The following LZTFL1 variants were observed in gnomAD, a reference collection of about 807,000 sequenced individuals.
LZTFL1 encodes the protein leucine zipper transcription factor like 1.
Under a neutral mutation model 45.9 loss-of-function variants are expected in LZTFL1, and 25 were observed. The ratio of observed to expected loss-of-function variants is 0.54; its 90% CI spans 0.40 to 0.76. LZTFL1 has a LOEUF of 0.76. Among genes scored for constraint, LZTFL1 ranks in the 30% least tolerant of loss-of-function variants. The probability of loss-of-function intolerance (pLI) is 0.00; values close to 1 mark genes in which losing one functional copy is unlikely to be tolerated. For synonymous variants in LZTFL1, 93 were observed against 117.4 expected, an observed-to-expected ratio of 0.79 and a Z score of 1.35; for missense variants, 277 against 331.1, an observed-to-expected ratio of 0.84 and a Z score of 1.27.
chr3:45,902,163 TG>T, intron 2 of LZTFL1: 1 of 354,196 alleles, frequency 2.8e-6, no homozygotes, highest in South Asian at 8.8e-5. Context: ...TGGAGCACCC[TG>T]GCTTTGCCAC....
intron 4 of LZTFL1, among the ~76,000 whole-genome samples, chr3:45,847,181 CT>C (rs1265695812): frequency 2.0e-5 from 3 of 152,176 alleles, no homozygotes; most frequent in Non-Finnish European, 2.9e-5. Context: ...CCCTTTGCCC[CT>C]GTTCTTATTT....
upstream of LZTFL1, chr3:45,915,658 T>G (rs1264714888): frequency 3.5e-5 from 13 of 376,582 alleles, no homozygotes; most frequent in South Asian, 2.3e-4. Context: ...AAGACTTAAT[T>G]CATTCAAGGC....
chr3:45,899,919 G>A (rs776578878), intron 2 of LZTFL1, among the ~76,000 whole-genome samples: 2 of 152,120 alleles, frequency 1.3e-5, no homozygotes, highest in Non-Finnish European at 2.9e-5. Context: ...TGTAAGAAGT[G>A]TGTGTGTGTA....
At chr3:45,860,525 C>T (rs923315718) in intron 2 of LZTFL1, among the ~76,000 whole-genome samples, 3 of 151,460 alleles carry the variant, frequency 2.0e-5, no homozygotes, top group Non-Finnish European at 4.4e-5. Flanking sequence ...TGTGGAAAAT[C>T]TGCTTTTCTC....
At chr3:45,852,996 T>A (rs1701330708) in intron 4 of LZTFL1, among the ~76,000 whole-genome samples, 1 of 152,226 alleles carries the variant, frequency 6.6e-6, no homozygotes, top group Non-Finnish European at 1.5e-5. Context: ...ATTTAGATAC[T>A]TTCATTTTGG....
At chr3:45,844,181 C>A (rs941921013), upstream of LZTFL1, among the ~76,000 whole-genome samples, 11 of 152,160 alleles carry the variant, frequency 7.2e-5, no homozygotes, top group African/African-American at 2.7e-4. Flanking sequence ...CTAGACTTGG[C>A]AAAAGGAGGA....
intron 2 of LZTFL1, among the ~76,000 whole-genome samples, chr3:45,876,862 T>C (rs1175984921): frequency 6.6e-6 from 1 of 152,028 alleles, no homozygotes; most frequent in Non-Finnish European, 1.5e-5. Context: ...ATCTTTGAGA[T>C]GGAAAGGAAG....
chr3:45,880,192 C>T (rs1241394165), intron 2 of LZTFL1, among the ~76,000 whole-genome samples: 1 of 152,148 alleles, frequency 6.6e-6, no homozygotes, highest in Non-Finnish European at 1.5e-5. Context: ...TCCCATGCAG[C>T]AATCAGTGAT....
At chr3:45,884,745 C>T (rs1701935670) in intron 2 of LZTFL1, among the ~76,000 whole-genome samples, 2 of 152,208 alleles carry the variant, frequency 1.3e-5, no homozygotes, top group African/African-American at 4.8e-5. Flanking sequence ...GTGCGTGTCT[C>T]ACCTCGCTGC....
At chr3:45,891,169 C>T (rs1054191294) in intron 2 of LZTFL1, among the ~76,000 whole-genome samples, 2 of 152,240 alleles carry the variant, frequency 1.3e-5, no homozygotes, top group African/African-American at 2.4e-5. Flanking sequence ...CAGTGAAATT[C>T]GGTGAATGCC....
At position 45,906,311 on chromosome 3, in the gene LZTFL1, G is replaced by A. The variant is rs144411172; in HGVS notation, c.-215+6809C>T. On this transcript the variant is annotated intron_variant, in intron 2 of 4. Transcript: ENST00000472635. ...GCCCCATGGTGTATAAGACAGCCAC[G>A]ATACCTCCCAGAATTTTGAGCACCA... Among the ~76,000 whole-genome samples the A allele has an allele frequency of 1.2e-4, 19 of 152,260 alleles. No individual in the cohort carries two copies. In the East Asian group the frequency reaches 2.7e-3, roughly 22 times the overall value.
chr3:45,867,422 G>A (rs1373522502), intron 2 of LZTFL1, among the ~76,000 whole-genome samples: 1 of 150,084 alleles, frequency 6.7e-6, no homozygotes, highest in Non-Finnish European at 1.5e-5. Context: ...CGCAATTCAA[G>A]TTTTTTTTTT....
At chr3:45,882,795 T>C (rs530595037) in intron 2 of LZTFL1, among the ~76,000 whole-genome samples, 1,389 of 88,794 alleles carry the variant, frequency 0.016, 21 homozygotes, top group African/African-American at 0.06. Flanking sequence ...CCAAAGGGGA[T>C]ACTATTATTA....
chr3:45,885,758 G>A (rs1701965262), intron 2 of LZTFL1, among the ~76,000 whole-genome samples: 1 of 152,242 alleles, frequency 6.6e-6, no homozygotes, highest in Admixed American at 6.5e-5. Flanking sequence ...GTCTCAGTCT[G>A]TTGCCCAGGG....
At position 45,826,017 on chromosome 3, in the gene LZTFL1, G is replaced by T. The variant is rs531506345; in HGVS notation, c.*297C>A. ...CAGACTCTTTATACTAATGCAGAAG[G>T]ATAAGCCTCTTCTTCCCACTCTAAA... On this transcript the variant is annotated 3_prime_UTR_variant, in exon 10 of 10. Transcript: ENST00000296135. The T allele has an allele frequency of 2.9e-6, 1 of 345,380 alleles. No homozygotes were observed. Among genetic ancestry groups the T allele is most frequent in the African/African-American group, 2.1e-5 (1 of 47,372 alleles). The allele number at this position is 345,380 out of a possible 1,614,324, so 21.4% of individuals were successfully genotyped here.
chr3:45,847,416 C>T (rs1701235536), intron 4 of LZTFL1, among the ~76,000 whole-genome samples: 1 of 152,154 alleles, frequency 6.6e-6, no homozygotes, highest in Admixed American at 6.5e-5. Flanking sequence ...GAACCATGTG[C>T]AATGAGCCTT....
In LZTFL1 at chr3:45,890,328, TATATATAAC is replaced by T. The variant is rs1418707410; in HGVS notation, c.-215+22783_-215+22791del. Among the ~76,000 whole-genome samples, 2 of 79,450 alleles carry T rather than the reference TATATATAAC, an allele frequency of 2.5e-5. 1 individual carries two copies. Among genetic ancestry groups the T allele is most frequent in the Non-Finnish European group, 4.1e-5 (2 of 48,716 alleles). The allele number at this position is 79,450 out of a possible 152,430, so 52.1% of individuals were successfully genotyped here. A position where few individuals can be genotyped will look rare whatever the true frequency, so the allele number is the denominator to read the frequency against. ...ACATATATATATATTTATATAAATA[TATATATAAC>T]ATATATATATAACATATATATATAT... is the stretch of plus-strand genomic sequence containing the variant. On this transcript the variant is annotated intron_variant, in intron 2 of 4. Transcript: ENST00000472635.
At chr3:45,914,499 C>A (rs1408450358) in intron 1 of LZTFL1, among the ~76,000 whole-genome samples, 1 of 152,088 alleles carries the variant, frequency 6.6e-6, no homozygotes, top group Non-Finnish European at 1.5e-5. Context: ...GCCTTGAACT[C>A]CTGGCCTCAA....
At chr3:45,847,351 T>A (rs1701234111) in intron 4 of LZTFL1, among the ~76,000 whole-genome samples, 1 of 152,158 alleles carries the variant, frequency 6.6e-6, no homozygotes, top group Non-Finnish European at 1.5e-5. Flanking sequence ...CAGACCTCCA[T>A]GATGTTGTCT....
Sources: gnomAD v4.1 joint callset for allele counts (sites outside exome capture counted in the v4.1 genomes callset) on GRCh38, gnomAD v4.1.1 for gene constraint, MANE v1.5 for transcripts, NCBI Gene and HGNC (gene_info 2026-07-23, HGNC 2026-07-21) for gene names.